The following UNC5C variants were observed in gnomAD, a reference collection of about 807,000 sequenced individuals.
UNC5C encodes the protein unc-5 netrin receptor C.
A neutral mutation model predicts 99.8 loss-of-function variants in UNC5C; 47 were observed. The ratio of observed to expected loss-of-function variants is 0.47; its 90% CI spans 0.37 to 0.60. The LOEUF (loss-of-function observed/expected upper bound fraction) is 0.60. Among genes scored for constraint, UNC5C ranks in the 20% least tolerant of loss-of-function variants. The pLI is 0.00. For missense variants in UNC5C, 1,062 were observed against 1,165.9 expected, an observed-to-expected ratio of 0.91 and a Z score of 1.30; for synonymous variants, 487 against 452.2, an observed-to-expected ratio of 1.08 and a Z score of -0.98.
rs1735759841 is a variant in UNC5C at position 95,163,715 on chromosome 4, G to GT, written c.*5518dup. ...CATTCAGTAGCAAATACTATGGCAGGTGGGCAGCTGACTATATCTCAGGGT... is the reference window on the plus strand; with the variant it reads ...CATTCAGTAGCAAATACTATGGCAGGTTGGGCAGCTGACTATATCTCAGGGT... On this transcript the variant is annotated 3_prime_UTR_variant, in exon 16 of 16. Transcript: ENST00000453304. 6.6e-6 allele frequency: 1 copy of GT among 152,204 alleles called. No homozygotes were observed. The highest frequency in any genetic ancestry group is 1.5e-5 in the Non-Finnish European group (1 of 68,038). 9.4% of individuals were successfully genotyped at this position (152,204 alleles called of 1,614,324 possible).
At chr4:95,423,852 C>G (rs986793054) in intron 1 of UNC5C, among the ~76,000 whole-genome samples, 1 of 152,064 alleles carries the variant, frequency 6.6e-6, no homozygotes, top group East Asian at 1.9e-4. Flanking sequence ...TAAACGTTCT[C>G]GAACATCTTT....
intron 7 of UNC5C, among the ~76,000 whole-genome samples, chr4:95,231,991 A>T (rs1364619363): frequency 6.6e-6 from 1 of 152,172 alleles, no homozygotes; most frequent in Non-Finnish European, 1.5e-5. Context: ...ACACCTCACT[A>T]AGCTGGTTCA....
chr4:95,364,192 G>A (rs183234729), intron 1 of UNC5C, among the ~76,000 whole-genome samples: 4 of 152,184 alleles, frequency 2.6e-5, no homozygotes, highest in Admixed American at 6.5e-5. Flanking sequence ...TAGCTGAGCT[G>A]GCAAAATACA....
At chr4:95,448,232 G>GAGAGAGAGAGAGAGAGAGAGAGAC (rs1747173697) in intron 1 of UNC5C, among the ~76,000 whole-genome samples, 1 of 130,434 alleles carries the variant, frequency 7.7e-6, no homozygotes, top group African/African-American at 3.0e-5. Flanking sequence ...GTGTGTGAGA[G>GAGAGAGAGAGAGAGAGAGAGAGAC]AGAGAGAGAG....
At chr4:95,292,990 G>A (rs1376806561) in intron 3 of UNC5C, among the ~76,000 whole-genome samples, 1 of 152,122 alleles carries the variant, frequency 6.6e-6, no homozygotes, top group Non-Finnish European at 1.5e-5. Context: ...AAAATGTTAT[G>A]GAGAACAATA....
chr4:95,505,164 A>C (rs1304077480), intron 1 of UNC5C, among the ~76,000 whole-genome samples: 3 of 152,090 alleles, frequency 2.0e-5, no homozygotes, highest in Non-Finnish European at 4.4e-5. Context: ...TTCATTGGCA[A>C]GGAACAATTT....
intron 10 of UNC5C, among the ~76,000 whole-genome samples, chr4:95,210,781 GT>G (rs1323261626): frequency 6.6e-6 from 1 of 152,206 alleles, no homozygotes; most frequent in East Asian, 1.9e-4. Context: ...AGAAATTTCA[GT>G]TTCCTGTCAG....
intron 1 of UNC5C, among the ~76,000 whole-genome samples, chr4:95,455,694 C>T (rs917365477): frequency 1.3e-5 from 2 of 151,820 alleles, no homozygotes; most frequent in African/African-American, 4.8e-5. Context: ...TCTGAGCAAC[C>T]TTTATTACTT....
At chr4:95,326,928 C>T (rs1172430884) in intron 2 of UNC5C, among the ~76,000 whole-genome samples, 1 of 152,002 alleles carries the variant, frequency 6.6e-6, no homozygotes, top group African/African-American at 2.4e-5. Flanking sequence ...ACTAAATATC[C>T]TTCTAAATAT....
At chr4:95,532,070 A>T (rs1560496477) in intron 1 of UNC5C, among the ~76,000 whole-genome samples, 3 of 152,220 alleles carry the variant, frequency 2.0e-5, no homozygotes, top group Non-Finnish European at 4.4e-5. Flanking sequence ...TGACCAAACC[A>T]GTTAGAGCCC....
At chr4:95,399,281 A>C (rs2149447826) in intron 1 of UNC5C, among the ~76,000 whole-genome samples, 1 of 152,336 alleles carries the variant, frequency 6.6e-6, no homozygotes, top group Non-Finnish European at 1.5e-5. Flanking sequence ...CAATTACTTT[A>C]ATTTCGGCAG....
At chr4:95,492,955 G>A (rs1297112234) in intron 1 of UNC5C, among the ~76,000 whole-genome samples, 2 of 151,320 alleles carry the variant, frequency 1.3e-5, no homozygotes, top group African/African-American at 2.4e-5. Context: ...AAAATTTATA[G>A]ACAATTCTGA....
chr4:95,290,808 G>C (rs902468633), intron 3 of UNC5C, among the ~76,000 whole-genome samples: 1 of 152,020 alleles, frequency 6.6e-6, no homozygotes, highest in Non-Finnish European at 1.5e-5. Flanking sequence ...TAAAGTTTTC[G>C]TTCTCTCTTA....
At chr4:95,444,215 T>C (rs1367485654) in intron 1 of UNC5C, among the ~76,000 whole-genome samples, 1 of 152,200 alleles carries the variant, frequency 6.6e-6, no homozygotes, top group Non-Finnish European at 1.5e-5. Flanking sequence ...TTGACCTCTT[T>C]CTCCTTTATT....
At chr4:95,495,905 A>C (rs967325096) in intron 1 of UNC5C, among the ~76,000 whole-genome samples, 1 of 151,828 alleles carries the variant, frequency 6.6e-6, no homozygotes, top group Non-Finnish European at 1.5e-5. Flanking sequence ...GATTTTAAGC[A>C]ATATTCAATT....
chr4:95,387,928 A>C (rs1374537604), intron 1 of UNC5C, among the ~76,000 whole-genome samples: 2 of 152,188 alleles, frequency 1.3e-5, no homozygotes, highest in Non-Finnish European at 2.9e-5. Flanking sequence ...TAAAACCCGT[A>C]AGAATTCTGT....
chr4:95,468,600 T>C (rs914267068), intron 1 of UNC5C, among the ~76,000 whole-genome samples: 1 of 152,180 alleles, frequency 6.6e-6, no homozygotes, highest in African/African-American at 2.4e-5. Context: ...CAGGATTTTT[T>C]CTATAACAAT....
chr4:95,429,119 C>A (rs1393391321), intron 1 of UNC5C, among the ~76,000 whole-genome samples: 5 of 152,020 alleles, frequency 3.3e-5, no homozygotes, highest in Admixed American at 3.3e-4. Context: ...CAAATGCAGG[C>A]AAATTTGCTA....
chr4:95,467,899 C>A (rs2149473363), intron 1 of UNC5C, among the ~76,000 whole-genome samples: 1 of 152,124 alleles, frequency 6.6e-6, no homozygotes, highest in Admixed American at 6.6e-5. Context: ...TTATTAAGAG[C>A]ATCATAAGGA....
Sources: gnomAD v4.1 joint callset for allele counts (sites outside exome capture counted in the v4.1 genomes callset) on GRCh38, gnomAD v4.1.1 for gene constraint, MANE v1.5 for transcripts, NCBI Gene and HGNC (gene_info 2026-07-23, HGNC 2026-07-21) for gene names.